The following TMEM151A variants were observed in gnomAD, a reference collection of about 807,000 sequenced individuals.
TMEM151A encodes the protein transmembrane protein 151A, also known as transmembrane protein 151.
A neutral mutation model predicts 33.7 loss-of-function variants in TMEM151A; 21 were observed. That is an observed-to-expected ratio of 0.62 (90% CI 0.44 to 0.90). TMEM151A has a LOEUF of 0.90. Ranked by LOEUF, TMEM151A falls within the 40% of genes least tolerant of loss-of-function variation. TMEM151A has a pLI of 0.00. For synonymous variants in TMEM151A, 374 were observed against 330.3 expected (o/e 1.13, Z -1.43); for missense variants, 704 against 697.7 (o/e 1.01, Z -0.10).
Position 66,292,063 on chromosome 11 carries a change from C to G in TMEM151A, c.50C>G (p.Pro17Arg), listed in dbSNP as rs1288874120. Reference sequence around the variant, plus strand: ...GGCGGGGAGGTGCCCGCGCTCATCCCGGACGGCGAGCCGCTGCGGGAAGAG... The same window carrying G: ...GGCGGGGAGGTGCCCGCGCTCATCCGGGACGGCGAGCCGCTGCGGGAAGAG... ...GDGGEVPALIPDGEPLREEQR... is the reference protein window; with the variant it reads ...GDGGEVPALIRDGEPLREEQR... Residue 17 changes from proline (P) to arginine (R), a missense_variant, in exon 1 of 2, where the codon CCG becomes CGG. This residue lies in a region of TMEM151A where 301 missense variants were observed against 323.4 expected (regional missense o/e 0.93). Transcript: ENST00000327259. This position sits in a 1 kb window ranked among gnomAD's most constrained non-coding sequence, Gnocchi z 4.7. The G allele has an allele frequency of 2.7e-6, 4 of 1,488,068 alleles. No individual in the cohort carries two copies. The African/African-American group carries it at 4.4e-5, about 16-fold the overall frequency. The allele number at this position is 1,488,068 out of a possible 1,614,324, so 92.2% of individuals were successfully genotyped here.
rs1590901163 is a variant in TMEM151A, at chr11:66,294,776, C to T, written c.530C>T (p.Thr177Met). ...RYRNGDAYTT[T>M]QVYHERADSR... Reference sequence around the variant, plus strand: ...CGCAACGGCGACGCCTACACCACCACGCAGGTGTACCATGAGCGCGCTGAC... The same window carrying T: ...CGCAACGGCGACGCCTACACCACCATGCAGGTGTACCATGAGCGCGCTGAC... The change falls in exon 2 of 2, where the codon ACG becomes ATG. Residue 177 changes from threonine (T) to methionine (M), a missense_variant. Transcript: ENST00000327259. The T allele has an allele frequency of 1.9e-6, 3 of 1,546,188 alleles. No homozygotes were observed. Among genetic ancestry groups the T allele is most frequent in the Middle Eastern group, 1.7e-4 (1 of 5,976 alleles).
In TMEM151A at chr11:66,296,498, C is replaced by G. The variant is rs1313601178; in HGVS notation, c.*845C>G. The G allele has an allele frequency of 6.5e-6, 1 of 152,766 alleles. No individual in the cohort carries two copies. Among genetic ancestry groups the G allele is most frequent in the Non-Finnish European group, 1.5e-5 (1 of 68,154 alleles). 9.5% of individuals were successfully genotyped at this position (152,766 alleles called of 1,614,324 possible). A position where few individuals can be genotyped will look rare whatever the true frequency, so the allele number is the denominator to read the frequency against. ...TGATGTCCTTGCTCCACCACGCAGG[C>G]CCTTGCTTCTCCCATCAACGAGTCT... On this transcript the variant is annotated 3_prime_UTR_variant, in exon 2 of 2. Transcript: ENST00000327259.
Position 66,294,880 on chromosome 11 carries a change from G to A in TMEM151A, c.634G>A (p.Glu212Lys). ...DVSKELVGLA[E>K]HAATRLRFTK... ...CTCCAAGGAGCTGGTGGGGCTGGCGGAGCACGCGGCCACGCGGCTGCGCTT... is the reference window on the plus strand; with the variant it reads ...CTCCAAGGAGCTGGTGGGGCTGGCGAAGCACGCGGCCACGCGGCTGCGCTT... The change falls in exon 2 of 2, where the codon GAG becomes AAG. Residue 212 changes from glutamate (E) to lysine (K), a missense_variant. Glu to Lys is a moderately conservative substitution (Grantham distance 56). This residue lies in a region of TMEM151A where 301 missense variants were observed against 323.4 expected (regional missense o/e 0.93). Transcript: ENST00000327259. The A allele has an allele frequency of 1.3e-6, 2 of 1,536,672 alleles. No homozygotes were observed. The highest frequency in any genetic ancestry group is 1.7e-6 in the Non-Finnish European group (2 of 1,145,474).
At position 66,295,492 on chromosome 11, in the gene TMEM151A, C is replaced by T; in HGVS notation, c.1246C>T (p.Pro416Ser). The change falls in exon 2 of 2, where the codon CCA becomes TCA. Residue 416 changes from proline to serine, a missense_variant. Coordinates refer to ENST00000327259, the MANE Select transcript of TMEM151A (RefSeq NM_153266.4). ...GCTGGGCGCTGGCGGCCGGGCCACGCCAGGGGTCTTCCGCAGCCTGAGCGG... is the reference window on the plus strand; with the variant it reads ...GCTGGGCGCTGGCGGCCGGGCCACGTCAGGGGTCTTCCGCAGCCTGAGCGG... ...LSLGAGGRAT[P>S]GVFRSLSGGP... 1 of 1,399,018 alleles carries T rather than the reference C, an allele frequency of 7.1e-7. No individual in the cohort carries two copies. Among genetic ancestry groups the T allele is most frequent in the Non-Finnish European group, 9.3e-7 (1 of 1,078,314 alleles). The allele number at this position is 1,399,018 out of a possible 1,614,324, so 86.7% of individuals were successfully genotyped here.
In TMEM151A at chr11:66,291,928, C is replaced by A; in HGVS notation, c.-86C>A. The A allele has an allele frequency of 9.2e-7, 1 of 1,091,676 alleles. No individual in the cohort carries two copies. Among genetic ancestry groups the A allele is most frequent in the South Asian group, 1.8e-5 (1 of 56,796 alleles). 67.6% of individuals were successfully genotyped at this position (1,091,676 alleles called of 1,614,324 possible). On this transcript the variant is annotated 5_prime_UTR_variant, in exon 1 of 2. Transcript: ENST00000327259. ...CCGCGGCCGCTGAGCCGAGCGGACG[C>A]CCCCGGGGGCCGCGTCGCAGCCCTC...
Position 66,295,518 on chromosome 11 carries a change from G to T in TMEM151A, c.1272G>T (p.Gly424=). The change falls in exon 2 of 2, where the codon GGG becomes GGT. Residue 424 remains glycine (G), a synonymous_variant. Transcript: ENST00000327259. Reference sequence around the variant, plus strand: ...CAGGGGTCTTCCGCAGCCTGAGCGGGGGGCCGCTGGGGCGCCGTGGAGAGG... The same window carrying T: ...CAGGGGTCTTCCGCAGCCTGAGCGGTGGGCCGCTGGGGCGCCGTGGAGAGG... ...ATPGVFRSLS[G]GPLGRRGEDT... is the part of the protein sequence containing the mutation. 7.2e-7 allele frequency: 1 copy of T among 1,396,498 alleles called. No homozygotes were observed. The highest frequency in any genetic ancestry group is 3.0e-5 in the East Asian group (1 of 33,302). The allele number at this position is 1,396,498 out of a possible 1,614,324, so 86.5% of individuals were successfully genotyped here. A position where few individuals can be genotyped will look rare whatever the true frequency, so the allele number is the denominator to read the frequency against.
chr11:66,293,630 C>G (rs1190909298), intron 1 of TMEM151A, among the ~76,000 whole-genome samples: 1 of 152,144 alleles, frequency 6.6e-6, no homozygotes, highest in Non-Finnish European at 1.5e-5. Context: ...AAGCCTCTGC[C>G]GAGACTTCTG....
chr11:66,295,415 C>T lies in TMEM151A; in HGVS notation c.1169C>T (p.Pro390Leu). Residue 390 changes from proline to leucine, a missense_variant, in exon 2 of 2, where the codon CCC (proline) becomes CTC (leucine). Physicochemically the swap from Pro to Leu is moderately conservative, Grantham distance 98. Coordinates refer to ENST00000327259, the MANE Select transcript of TMEM151A (RefSeq NM_153266.4). The stretch of plus-strand genomic sequence containing the variant: ...CGCTCTGTCAGCAGCAACTCGCTGC[C>T]CCCCGCCCGGCCCAGCGGGCCCCGC... ...CRRSVSSNSLPPARPSGPRLP... is the reference protein window; with the variant it reads ...CRRSVSSNSLLPARPSGPRLP... 1.3e-6 allele frequency: 2 copies of T among 1,506,934 alleles called. No individual in the cohort carries two copies. The highest frequency in any genetic ancestry group is 2.3e-4 in the Middle Eastern group (1 of 4,312). The allele number at this position is 1,506,934 out of a possible 1,614,324, so 93.3% of individuals were successfully genotyped here.
In TMEM151A at chr11:66,292,075, C is replaced by G; in HGVS notation, c.62C>G (p.Pro21Arg). 1.1e-5 allele frequency: 16 copies of G among 1,481,672 alleles called. No homozygotes were observed. Among genetic ancestry groups the G allele is most frequent in the Non-Finnish European group, 1.4e-5 (16 of 1,123,900 alleles). 91.8% of individuals were successfully genotyped at this position (1,481,672 alleles called of 1,614,324 possible). The change falls in exon 1 of 2, where the codon CCG (proline) becomes CGG (arginine). Residue 21 changes from proline to arginine, a missense_variant. Physicochemically the swap from Pro to Arg is moderately radical, Grantham distance 103. This residue lies in a region of TMEM151A where 301 missense variants were observed against 323.4 expected (regional missense o/e 0.93). Transcript: ENST00000327259. The surrounding 1 kb of genome is among the most constrained non-coding windows in gnomAD (Gnocchi z 4.7). ...CCCGCGCTCATCCCGGACGGCGAGC[C>G]GCTGCGGGAAGAGGTACCGGCGCTG... is the stretch of plus-strand genomic sequence containing the variant. ...EVPALIPDGE[P>R]LREEQRPLKQ...
At chr11:66,294,298 T>C (rs1224177646) in intron 1 of TMEM151A, 24 bp from the exon 2 acceptor site, 1 of 1,600,910 alleles carries the variant, frequency 6.2e-7, no homozygotes, top group Non-Finnish European at 8.5e-7. Context: ...TGACACAGAC[T>C]TCCCTTTCTC....
At position 66,294,330 on chromosome 11, in the gene TMEM151A, C is replaced by G; in HGVS notation, c.84C>G (p.Pro28=). The change falls in exon 2 of 2, where the codon CCC becomes CCG. Residue 28 remains proline (P), a synonymous_variant. Coordinates refer to ENST00000327259, the MANE Select transcript of TMEM151A (RefSeq NM_153266.4). ...DGEPLREEQR[P]LKQSLGSSLC... ...TCTCTGCCCACCTGCAGCAGCGGCCCCTGAAACAGTCCCTGGGAAGCTCCC... is the reference window on the plus strand; with the variant it reads ...TCTCTGCCCACCTGCAGCAGCGGCCGCTGAAACAGTCCCTGGGAAGCTCCC... 1 of 1,608,244 alleles carries G rather than the reference C, an allele frequency of 6.2e-7. No individual in the cohort carries two copies. The highest frequency in any genetic ancestry group is 8.5e-7 in the Non-Finnish European group (1 of 1,179,728).
Position 66,292,656 on chromosome 11 carries a change from G to A in TMEM151A, c.75+568G>A, listed in dbSNP as rs1857468214. Among the ~76,000 whole-genome samples the A allele has an allele frequency of 6.6e-6, 1 of 152,196 alleles. No homozygotes were observed. The highest frequency in any genetic ancestry group is 6.5e-5 in the Admixed American group (1 of 15,276). On this transcript the variant is annotated intron_variant, in intron 1 of 1. Transcript: ENST00000327259. This position sits in a 1 kb window ranked among gnomAD's most constrained non-coding sequence, Gnocchi z 4.7. ...ACCTGGGGCCCCGAGTGATGTGTGG[G>A]GTGATAGGGTGGTGAGTGGGGCTGT... is the stretch of plus-strand genomic sequence containing the variant.
chr11:66,295,272 C>G lies in TMEM151A; in HGVS notation c.1026C>G (p.Asp342Glu), dbSNP rs373813111. Residue 342 changes from aspartate to glutamate, a missense_variant, in exon 2 of 2, where the codon GAC becomes GAG. This residue lies in a region of TMEM151A where 398 missense variants were observed against 356.0 expected (regional missense o/e 1.12). Transcript: ENST00000327259. ...GPPLSRVATV[D>E]FTELEWHICS... ...CGCTGTCCCGCGTGGCCACAGTGGA[C>G]TTCACTGAGCTCGAGTGGCACATCT... 79 of 1,568,840 alleles carry G rather than the reference C, an allele frequency of 5.0e-5. No homozygotes were observed. The highest frequency in any genetic ancestry group is 6.7e-5 in the Non-Finnish European group (78 of 1,157,302).
chr11:66,294,249 G>A, intron 1 of TMEM151A, 73 bp from the exon 2 acceptor site: 2 of 1,571,324 alleles, frequency 1.3e-6, no homozygotes, highest in East Asian at 2.2e-5. Context: ...TTCCTCAGCC[G>A]GGTTAAGCAA....
Position 66,295,139 on chromosome 11 carries a change from GGC to G in TMEM151A, c.894_895del (p.Trp298CysfsTer47). ...CTCGTGTCGGCGGCCACGCTGTCGT[GGC>G]CCCTGCGCGTCGTGGCCGCCTATGG... On this transcript the variant is annotated frameshift_variant, in exon 2 of 2. Coordinates refer to ENST00000327259, the MANE Select transcript of TMEM151A (RefSeq NM_153266.4). LOFTEE classifies it high-confidence loss of function. The G allele has an allele frequency of 1.3e-6, 2 of 1,584,220 alleles. No homozygotes were observed. The highest frequency in any genetic ancestry group is 1.7e-6 in the Non-Finnish European group (2 of 1,171,354).
Position 66,292,003 on chromosome 11 carries a change from G to C in TMEM151A, c.-11G>C, listed in dbSNP as rs1857460055. 2 of 1,503,606 alleles carry C rather than the reference G, an allele frequency of 1.3e-6. No individual in the cohort carries two copies. Among genetic ancestry groups the C allele is most frequent in the African/African-American group, 2.9e-5 (2 of 68,698 alleles). 93.1% of individuals were successfully genotyped at this position (1,503,606 alleles called of 1,614,324 possible). A position where few individuals can be genotyped will look rare whatever the true frequency, so the allele number is the denominator to read the frequency against. ...TGCCCAGGCTGGGGCCGCCCAAGCA[G>C]CCAGGACACCATGCCCGAGGACGGC... is the stretch of plus-strand genomic sequence containing the variant. On this transcript the variant is annotated 5_prime_UTR_variant, in exon 1 of 2. Transcript: ENST00000327259. This position sits in a 1 kb window ranked among gnomAD's most constrained non-coding sequence, Gnocchi z 4.7.
chr11:66,295,060 G>A lies in TMEM151A; in HGVS notation c.814G>A (p.Val272Ile). ...CGTAGACTTCCGCGAGTCGCTCATGGTCTTCGCCGACCCCCGCAGCCCGCC... is the reference window on the plus strand; with the variant it reads ...CGTAGACTTCCGCGAGTCGCTCATGATCTTCGCCGACCCCCGCAGCCCGCC... ...KDVDFRESLM[V>I]FADPRSPPWY... The change falls in exon 2 of 2, where the codon GTC becomes ATC. Residue 272 changes from valine (V) to isoleucine (I), a missense_variant. Val to Ile is a conservative substitution (Grantham distance 29). Coordinates refer to ENST00000327259, the MANE Select transcript of TMEM151A (RefSeq NM_153266.4). The A allele has an allele frequency of 6.3e-7, 1 of 1,598,594 alleles. No homozygotes were observed. Among genetic ancestry groups the A allele is most frequent in the Admixed American group, 1.7e-5 (1 of 59,894 alleles).
At position 66,295,928 on chromosome 11, in the gene TMEM151A, A is replaced by T; in HGVS notation, c.*275A>T. ...AAGGCCTCTCACAAAGGGCAGGAGA[A>T]GAAGCTTCCAGAAAGGCTGGGATGG... is the stretch of plus-strand genomic sequence containing the variant. On this transcript the variant is annotated 3_prime_UTR_variant, in exon 2 of 2. Coordinates refer to ENST00000327259, the MANE Select transcript of TMEM151A (RefSeq NM_153266.4). 1 of 342,652 alleles carries T rather than the reference A, an allele frequency of 2.9e-6. No individual in the cohort carries two copies. Among genetic ancestry groups the T allele is most frequent in the Non-Finnish European group, 5.3e-6 (1 of 190,210 alleles). The allele number at this position is 342,652 out of a possible 1,614,324, so 21.2% of individuals were successfully genotyped here.
Position 66,291,963 on chromosome 11 carries a change from C to T in TMEM151A, c.-51C>T. On this transcript the variant is annotated 5_prime_UTR_variant, in exon 1 of 2. Transcript: ENST00000327259. ...CCGCGTCGCAGCCCTCCGTGCTCCCCCCTATCATGCCCGGTGCCCAGGCTG... is the reference window on the plus strand; with the variant it reads ...CCGCGTCGCAGCCCTCCGTGCTCCCTCCTATCATGCCCGGTGCCCAGGCTG... 1.4e-6 allele frequency: 2 copies of T among 1,449,896 alleles called. No homozygotes were observed. Among genetic ancestry groups the T allele is most frequent in the Admixed American group, 2.2e-5 (1 of 45,680 alleles). The allele number at this position is 1,449,896 out of a possible 1,614,324, so 89.8% of individuals were successfully genotyped here.
Sources: allele counts gnomAD v4.1 joint callset (sites outside exome capture counted in the v4.1 genomes callset), GRCh38; gene constraint gnomAD v4.1.1; regional missense constraint gnomAD v4.1.1; non-coding constraint Gnocchi (gnomAD v3.1); transcripts MANE v1.5; gene names NCBI Gene and HGNC (gene_info 2026-07-23, HGNC 2026-07-21).